Variants in SEC23A observed in about 807,000 individuals in gnomAD.
SEC23A encodes SEC23 homolog A, COPII component.
A neutral mutation model predicts 103.7 loss-of-function variants in SEC23A; 56 were observed. That is an observed-to-expected ratio of 0.54 (90% CI 0.44 to 0.67). The LOEUF (loss-of-function observed/expected upper bound fraction) is 0.67. Ranked by LOEUF, SEC23A falls within the 30% of genes least tolerant of loss-of-function variation. SEC23A has a pLI of 0.00. For missense variants in SEC23A, 784 were observed against 936.4 expected, an observed-to-expected ratio of 0.84 and a Z score of 2.12; for synonymous variants, 281 against 293.0, an observed-to-expected ratio of 0.96 and a Z score of 0.42.
intron 9 of SEC23A, among the ~76,000 whole-genome samples, chr14:39,071,636 A>G (rs1468273627): frequency 1.3e-5 from 2 of 152,074 alleles, no homozygotes; most frequent in Non-Finnish European, 2.9e-5. Context: ...AGGCCGAGGA[A>G]GGCAGATCAC....
chr14:39,045,133 G>A (rs1206571496), intron 16 of SEC23A, 30 bp downstream of exon 16: 9 of 1,602,178 alleles, frequency 5.6e-6, no homozygotes, highest in Non-Finnish European at 7.7e-6. Flanking sequence ...GCAGTAACAA[G>A]ACCAATTTAT....
intron 15 of SEC23A, among the ~76,000 whole-genome samples, chr14:39,045,621 TG>T (rs1194258485): frequency 1.3e-5 from 2 of 151,904 alleles, no homozygotes; most frequent in African/African-American, 4.8e-5. Context: ...CACTCTGGGA[TG>T]GCTTGGGGCC....
At chr14:39,069,118 T>G (rs1174123321) in intron 9 of SEC23A, among the ~76,000 whole-genome samples, 1 of 152,156 alleles carries the variant, frequency 6.6e-6, no homozygotes, top group Admixed American at 6.5e-5. Flanking sequence ...TCTGCTCCCT[T>G]TTACAGTAAA....
At chr14:39,099,159 T>G (rs1211348693) in intron 1 of SEC23A, among the ~76,000 whole-genome samples, 7 of 141,220 alleles carry the variant, frequency 5.0e-5, no homozygotes, top group Non-Finnish European at 9.2e-5. Flanking sequence ...TTTGGGTTTT[T>G]TTTTTTTTTT....
intron 10 of SEC23A, among the ~76,000 whole-genome samples, chr14:39,065,558 C>T (rs1416923494): frequency 6.6e-6 from 1 of 152,154 alleles, no homozygotes; most frequent in Non-Finnish European, 1.5e-5. Context: ...CCAGCTCCCA[C>T]AGATTTAAGC....
intron 1 of SEC23A, among the ~76,000 whole-genome samples, chr14:39,101,926 G>C (rs1313192957): frequency 1.3e-5 from 2 of 152,018 alleles, no homozygotes; most frequent in Non-Finnish European, 2.9e-5. Context: ...AATTCTGTAA[G>C]TCAATTAAAA....
intron 16 of SEC23A, among the ~76,000 whole-genome samples, chr14:39,043,891 T>A (rs1267263815): frequency 6.6e-6 from 1 of 152,162 alleles, no homozygotes; most frequent in African/African-American, 2.4e-5. Context: ...GACAAAAGTC[T>A]TACTTATATA....
chr14:39,092,680 T>G, intron 3 of SEC23A, 53 bp from the exon 4 acceptor site: 2 of 1,022,916 alleles, frequency 2.0e-6, no homozygotes, highest in Non-Finnish European at 3.0e-6. Context: ...CTAGAAAGAT[T>G]AATAAAATTT....
intron 7 of SEC23A, among the ~76,000 whole-genome samples, chr14:39,079,391 TATTGTCATATTAGAAA>T (rs1887141275): frequency 1.3e-5 from 2 of 152,232 alleles, no homozygotes; most frequent in Admixed American, 6.5e-5. Flanking sequence ...TTAATATTTG[TATTGTCATATTAGAAA>T]GGCTATTTTA....
At position 39,075,998 on chromosome 14, in the gene SEC23A, T is replaced by TG; in HGVS notation, c.923dup (p.Pro309ThrfsTer7). 6.2e-7 allele frequency: 1 copy of TG among 1,613,974 alleles called. No homozygotes were observed. Among genetic ancestry groups the TG allele is most frequent in the South Asian group, 1.1e-5 (1 of 91,070 alleles). On this transcript the variant is annotated frameshift_variant, in exon 8 of 20. Transcript: ENST00000307712. LOFTEE classifies it high-confidence loss of function. Reference sequence around the variant, plus strand: ...CAATGTCATGCCACGATCTTATAGGTGTCTTCAACTCATCTCCAACCACCA... The same window carrying TG: ...CAATGTCATGCCACGATCTTATAGGTGGTCTTCAACTCATCTCCAACCACCA...
intron 15 of SEC23A, 99 bp downstream of exon 15, chr14:39,048,553 T>C (rs1290128217): frequency 5.2e-6 from 4 of 768,430 alleles, no homozygotes; most frequent in Middle Eastern, 2.4e-4. Context: ...TGAGCTATGA[T>C]GGAGCCACTA....
intron 1 of SEC23A, among the ~76,000 whole-genome samples, chr14:39,100,913 G>A (rs748688099): frequency 1.3e-5 from 2 of 150,954 alleles, no homozygotes; most frequent in East Asian, 3.9e-4. Flanking sequence ...GTGCAATCTC[G>A]GCTCACTGCA....
rs767767591 is a variant in SEC23A, at chr14:39,045,198, T to C, written c.1864A>G (p.Ile622Val). The change falls in exon 16 of 20, where the codon ATC becomes GTC. Residue 622 changes from isoleucine to valine, a missense_variant. Around this residue, in one of 2 missense-constraint regions of SEC23A, gnomAD observed 683 missense variants for 774.2 expected, o/e 0.88. Transcript: ENST00000307712. ...CCACTAAAAGAATACGCATACAGGA[T>C]AGGCTGAATCATAATTAGAGACTGG... ...LTQSLIMIQP[I>V]LYAYSFSGPP... 30 of 1,613,644 alleles carry C rather than the reference T, an allele frequency of 1.9e-5. No individual in the cohort carries two copies. Among genetic ancestry groups the C allele is most frequent in the Non-Finnish European group, 2.4e-5 (28 of 1,179,842 alleles).
At chr14:39,040,593 G>T in intron 18 of SEC23A, 139 bp downstream of exon 18, 1 of 1,061,306 alleles carries the variant, frequency 9.4e-7, no homozygotes. Flanking sequence ...CAAAAAGTAA[G>T]CACTGATACC....
At chr14:39,073,443 C>G (rs1421934570) in intron 9 of SEC23A, among the ~76,000 whole-genome samples, 3 of 151,816 alleles carry the variant, frequency 2.0e-5, no homozygotes, top group African/African-American at 7.3e-5. Flanking sequence ...CAGCCACGTG[C>G]CACCACGCCC....
chr14:39,049,078 C>T (rs747296520), intron 14 of SEC23A, among the ~76,000 whole-genome samples: 19 of 151,856 alleles, frequency 1.3e-4, no homozygotes, highest in Middle Eastern at 3.4e-3. Flanking sequence ...CAGTGACTGA[C>T]GCCTGTAATT....
At chr14:39,068,099 T>G (rs1464269229) in intron 9 of SEC23A, among the ~76,000 whole-genome samples, 1 of 152,216 alleles carries the variant, frequency 6.6e-6, no homozygotes, top group African/African-American at 2.4e-5. Context: ...CTTTTTGCAC[T>G]TATTTTTAAT....
At chr14:39,062,788 G>C (rs8022510) in intron 12 of SEC23A, among the ~76,000 whole-genome samples, 125,716 of 151,952 alleles carry the variant, frequency 0.83, 52,280 homozygotes, top group African/African-American at 0.86. Context: ...TCATTTTATG[G>C]CTAAAAACTA....
At chr14:39,051,967 GAA>G (rs34179296) in intron 14 of SEC23A, among the ~76,000 whole-genome samples, 2,204 of 143,726 alleles carry the variant, frequency 0.015, 59 homozygotes, top group African/African-American at 0.049. Context: ...GCTCCTTCTC[GAA>G]AAAAAAAAAA....
Sources: gnomAD v4.1 joint callset for allele counts (sites outside exome capture counted in the v4.1 genomes callset) on GRCh38, gnomAD v4.1.1 for gene constraint, gnomAD v4.1.1 regional missense constraint, MANE v1.5 for transcripts, NCBI Gene and HGNC (gene_info 2026-07-23, HGNC 2026-07-21) for gene names.